The following TRPM3 variants were observed in gnomAD, a reference collection of about 807,000 sequenced individuals.
TRPM3 encodes the protein long transient receptor potential channel 3.
Under a neutral mutation model 181.2 loss-of-function variants are expected in TRPM3, and 77 were observed. The observed-to-expected ratio is 0.42, with a 90% CI of 0.35 to 0.51. The LOEUF (loss-of-function observed/expected upper bound fraction) is 0.51, where lower values mean the gene tolerates loss of function less well. Among genes scored for constraint, TRPM3 ranks in the 20% least tolerant of loss-of-function variants. The probability of loss-of-function intolerance (pLI) is 0.01; values close to 1 mark genes in which losing one functional copy is unlikely to be tolerated. For missense variants in TRPM3, 1,759 were observed against 2,196.7 expected, an observed-to-expected ratio of 0.80 and a Z score of 3.98; for synonymous variants, 745 against 796.4, an observed-to-expected ratio of 0.94 and a Z score of 1.09.
intron 3 of TRPM3, among the ~76,000 whole-genome samples, chr9:70,861,990 A>T (rs1381624196): frequency 6.6e-6 from 1 of 152,038 alleles, no homozygotes; most frequent in Non-Finnish European, 1.5e-5. Context: ...GAGAGGTAAG[A>T]AAAGAGAAGA....
chr9:71,121,042 T>G, intron 1 of TRPM3, 136 bp downstream of exon 1: 1 of 767,448 alleles, frequency 1.3e-6, no homozygotes, highest in Non-Finnish European at 2.0e-6. Context: ...AGAACCTCTC[T>G]CCAGCCACGG....
chr9:71,422,198 T>A (rs993391363), intron 1 of TRPM3, among the ~76,000 whole-genome samples: 2 of 151,862 alleles, frequency 1.3e-5, no homozygotes, highest in African/African-American at 4.8e-5. Context: ...GTGGTCAATA[T>A]CACAAAGATA....
At chr9:70,979,508 A>G (rs534581113) in intron 1 of TRPM3, among the ~76,000 whole-genome samples, 44 of 152,214 alleles carry the variant, frequency 2.9e-4, no homozygotes, top group Non-Finnish European at 5.4e-4. Context: ...ATTAAAAGAA[A>G]CAGCAGAATT....
chr9:71,311,358 T>G (rs143362772), intron 1 of TRPM3, among the ~76,000 whole-genome samples: 326 of 152,240 alleles, frequency 2.1e-3, no homozygotes, highest in African/African-American at 7.6e-3. Flanking sequence ...CAGAAGAAAC[T>G]GTGAGTTTTA....
At chr9:71,203,313 G>C (rs141560212) in intron 1 of TRPM3, among the ~76,000 whole-genome samples, 4 of 152,210 alleles carry the variant, frequency 2.6e-5, no homozygotes, top group African/African-American at 9.6e-5. Flanking sequence ...CCTTTCACAG[G>C]ACCATTGTGC....
At chr9:71,020,470 C>A in intron 1 of TRPM3, among the ~76,000 whole-genome samples, 1 of 148,726 alleles carries the variant, frequency 6.7e-6, no homozygotes. Context: ...GAGCAAGACC[C>A]CGTCTTGAAA....
At chr9:70,848,403 T>A (rs10868910) in intron 3 of TRPM3, among the ~76,000 whole-genome samples, 86,228 of 151,878 alleles carry the variant, frequency 0.57, 24,827 homozygotes, top group Non-Finnish European at 0.58. Flanking sequence ...AAAGAGATGA[T>A]GGGGAGGAGG....
At chr9:70,957,813 G>A (rs1230413230) in intron 1 of TRPM3, among the ~76,000 whole-genome samples, 1 of 152,098 alleles carries the variant, frequency 6.6e-6, no homozygotes, top group African/African-American at 2.4e-5. Context: ...TTCCTCTACT[G>A]TAATATGAAA....
chr9:71,363,628 T>C (rs1367278813), intron 1 of TRPM3, among the ~76,000 whole-genome samples: 2 of 152,188 alleles, frequency 1.3e-5, no homozygotes, highest in Non-Finnish European at 2.9e-5. Flanking sequence ...AACGTAAAAA[T>C]GTGCTTTGTA....
At chr9:70,646,875 CAA>C (rs200789716) in intron 9 of TRPM3, among the ~76,000 whole-genome samples, 3 of 85,366 alleles carry the variant, frequency 3.5e-5, no homozygotes, top group East Asian at 3.7e-4. Flanking sequence ...CATGGAAGTA[CAA>C]AAAAAAAAAA....
chr9:70,835,331 A>G (rs1024390752), intron 5 of TRPM3, among the ~76,000 whole-genome samples: 1 of 151,932 alleles, frequency 6.6e-6, no homozygotes, highest in Admixed American at 6.6e-5. Context: ...TTTACGTAAC[A>G]ATAGCTAACA....
intron 1 of TRPM3, among the ~76,000 whole-genome samples, chr9:71,434,212 T>TC (rs368092121): frequency 6.0e-4 from 91 of 151,808 alleles, no homozygotes; most frequent in African/African-American, 2.1e-3. Context: ...AATGTTTGTG[T>TC]CCCCCCCAAA....
chr9:70,754,052 T>G (rs935057363), intron 8 of TRPM3, among the ~76,000 whole-genome samples: 4 of 152,028 alleles, frequency 2.6e-5, no homozygotes, highest in African/African-American at 9.7e-5. Flanking sequence ...CAAAAGCAAA[T>G]GTACTGCCCC....
intron 1 of TRPM3, among the ~76,000 whole-genome samples, chr9:71,280,883 C>A (rs940258115): frequency 2.0e-5 from 3 of 152,234 alleles, no homozygotes; most frequent in Non-Finnish European, 4.4e-5. Flanking sequence ...TATCTACATT[C>A]ATTCCCCTAT....
chr9:71,063,293 T>C (rs1279167470), intron 1 of TRPM3, among the ~76,000 whole-genome samples: 2 of 152,144 alleles, frequency 1.3e-5, no homozygotes, highest in Admixed American at 6.5e-5. Flanking sequence ...TGGTGATCAA[T>C]AGCTTAGCTG....
At chr9:71,065,498 TCA>T (rs2061812166) in intron 1 of TRPM3, among the ~76,000 whole-genome samples, 1 of 152,144 alleles carries the variant, frequency 6.6e-6, no homozygotes, top group Non-Finnish European at 1.5e-5. Flanking sequence ...CAAATCACAA[TCA>T]CAGAATTCTG....
chr9:71,149,339 G>A (rs996454617), intron 1 of TRPM3, among the ~76,000 whole-genome samples: 2 of 151,986 alleles, frequency 1.3e-5, no homozygotes, highest in Non-Finnish European at 2.9e-5. Flanking sequence ...GGAGGTGGAG[G>A]CTGCAGTGAG....
In TRPM3 at chr9:71,025,492, A is replaced by G. The variant is rs562925480; in HGVS notation, c.177+95686T>C. The stretch of plus-strand genomic sequence containing the variant: ...ATGAAATATGTAAGACTCATACTTC[A>G]GAATGAACTATAATATGATCTCTCC... On this transcript the variant is annotated intron_variant, in intron 1 of 25. Transcript: ENST00000677713. Among the ~76,000 whole-genome samples the G allele has an allele frequency of 3.6e-4, 55 of 152,378 alleles. No homozygotes were observed. In the South Asian group the frequency reaches 0.011, roughly 30 times the overall value.
At chr9:71,356,516 T>C (rs2091904395) in intron 1 of TRPM3, among the ~76,000 whole-genome samples, 1 of 152,116 alleles carries the variant, frequency 6.6e-6, no homozygotes, top group Non-Finnish European at 1.5e-5. Flanking sequence ...AACCTCAGCT[T>C]CTTTCTGTCT....
Sources: gnomAD v4.1 joint callset for allele counts (sites outside exome capture counted in the v4.1 genomes callset) on GRCh38, gnomAD v4.1.1 for gene constraint, MANE v1.5 for transcripts, NCBI Gene and HGNC (gene_info 2026-07-23, HGNC 2026-07-21) for gene names.